Variants in GRIA2 observed in about 807,000 individuals in gnomAD.
The protein encoded by GRIA2 is glutamate receptor 2.
GRIA2 carries 14 observed loss-of-function variants against 97.3 expected under a neutral mutation model. That is an observed-to-expected ratio of 0.14 (90% CI 0.10 to 0.23). GRIA2 has a LOEUF of 0.23. Among genes scored for constraint, GRIA2 ranks in the 10% least tolerant of loss-of-function variants. The pLI is 1.00. For synonymous variants in GRIA2, 412 were observed against 387.8 expected (o/e 1.06, Z -0.73); for missense variants, 558 against 1,069.8 (o/e 0.52, Z 6.67).
intron 12 of GRIA2, chr4:157,342,382 G>T (rs1237561713): frequency 1.0e-6 from 1 of 984,850 alleles, no homozygotes; most frequent in South Asian, 4.7e-5. Context: ...ATGGGAGAAA[G>T]GGTTCTGGGA....
In GRIA2 at chr4:157,329,236, G is replaced by A. The variant is rs528129168; in HGVS notation, c.883-3583G>A. 1.3e-4 allele frequency among the ~76,000 whole-genome samples: 19 copies of A among 151,684 alleles called. No individual in the cohort carries two copies. In the East Asian group the frequency reaches 3.7e-3, roughly 29 times the overall value. ...CTTATAGATTTACTTATCTTTCCTA[G>A]AAATCATAATTTTTGACCCTGTTTT... On this transcript the variant is annotated intron_variant, in intron 6 of 15. Transcript: ENST00000264426.
chr4:157,263,781 C>T (rs1214976175), intron 2 of GRIA2, among the ~76,000 whole-genome samples: 1 of 151,928 alleles, frequency 6.6e-6, no homozygotes, highest in Non-Finnish European at 1.5e-5. Context: ...ATAGTTTTGT[C>T]CAATGAGGAG....
intron 2 of GRIA2, among the ~76,000 whole-genome samples, chr4:157,235,420 T>C (rs986942078): frequency 1.3e-5 from 2 of 152,076 alleles, no homozygotes; most frequent in Admixed American, 1.3e-4. Flanking sequence ...GATTTTATGA[T>C]TACATTAGTC....
At chr4:157,268,031 A>G (rs1731849557) in intron 2 of GRIA2, among the ~76,000 whole-genome samples, 1 of 152,108 alleles carries the variant, frequency 6.6e-6, no homozygotes. Flanking sequence ...AGAGAGATTT[A>G]GGGCAATCAA....
chr4:157,249,842 A>G (rs1438005106), intron 2 of GRIA2: 1 of 152,148 alleles, frequency 6.6e-6, no homozygotes, highest in Non-Finnish European at 1.5e-5. Flanking sequence ...AAAGAGAACC[A>G]CCATTTTAGT....
At chr4:157,331,624 G>C (rs2126929353) in intron 6 of GRIA2, among the ~76,000 whole-genome samples, 1 of 152,096 alleles carries the variant, frequency 6.6e-6, no homozygotes, top group South Asian at 2.1e-4. Context: ...GGTTCAAGAA[G>C]TCTTTTATTA....
chr4:157,341,862 C>G (rs1286388828), intron 12 of GRIA2, among the ~76,000 whole-genome samples: 1 of 152,022 alleles, frequency 6.6e-6, no homozygotes, highest in Non-Finnish European at 1.5e-5. Context: ...ACATTCAAAC[C>G]AATTATGTTA....
intron 2 of GRIA2, among the ~76,000 whole-genome samples, chr4:157,295,328 A>G (rs1030071778): frequency 6.6e-6 from 1 of 152,150 alleles, no homozygotes; most frequent in Non-Finnish European, 1.5e-5. Context: ...GAAACATTAG[A>G]TCAAAACGTA....
At chr4:157,268,065 G>A (rs755503895) in intron 2 of GRIA2, among the ~76,000 whole-genome samples, 4 of 151,980 alleles carry the variant, frequency 2.6e-5, no homozygotes. Flanking sequence ...TTAAATAGTC[G>A]ATTTTAAATT....
chr4:157,280,236 A>C (rs1732533831), intron 2 of GRIA2, among the ~76,000 whole-genome samples: 1 of 152,160 alleles, frequency 6.6e-6, no homozygotes, highest in Non-Finnish European at 1.5e-5. Flanking sequence ...TGGAAGACGA[A>C]TACCCTTATT....
At chr4:157,290,699 T>G (rs144138776) in intron 2 of GRIA2, among the ~76,000 whole-genome samples, 1 of 151,984 alleles carries the variant, frequency 6.6e-6, no homozygotes, top group African/African-American at 2.4e-5. Flanking sequence ...AACTTTGTTC[T>G]TAAAAGTTTG....
chr4:157,250,297 T>A (rs1440261456), intron 2 of GRIA2, among the ~76,000 whole-genome samples: 1 of 152,180 alleles, frequency 6.6e-6, no homozygotes, highest in African/African-American at 2.4e-5. Flanking sequence ...GATAGCCATC[T>A]AAATTTAAGC....
intron 2 of GRIA2, among the ~76,000 whole-genome samples, chr4:157,245,238 T>G (rs1730676266): frequency 6.6e-6 from 1 of 152,024 alleles, no homozygotes; most frequent in South Asian, 2.1e-4. Flanking sequence ...TGTTTGTATT[T>G]TCAGGTAATA....
intron 15 of GRIA2, 38 bp from the exon 16 acceptor site, chr4:157,363,397 G>T: frequency 8.2e-7 from 1 of 1,216,780 alleles, no homozygotes; most frequent in East Asian, 3.1e-5. Context: ...CATAACGTAT[G>T]ATTTCTTTTT....
intron 2 of GRIA2, among the ~76,000 whole-genome samples, chr4:157,283,636 A>G (rs1387395068): frequency 6.6e-6 from 1 of 151,944 alleles, no homozygotes; most frequent in Non-Finnish European, 1.5e-5. Flanking sequence ...TAAACCTTTT[A>G]GTGGCTTTAA....
chr4:157,359,785 C>A, intron 12 of GRIA2, 111 bp from the exon 13 acceptor site: 1 of 873,432 alleles, frequency 1.1e-6, no homozygotes, highest in Non-Finnish European at 1.8e-6. Context: ...GAGATTTGTT[C>A]ATATTGTGTA....
At chr4:157,350,556 C>T (rs1479594537) in intron 12 of GRIA2, among the ~76,000 whole-genome samples, 4 of 151,634 alleles carry the variant, frequency 2.6e-5, no homozygotes, top group African/African-American at 4.8e-5. Flanking sequence ...CTTCAGGCGG[C>T]CCAGTGTTTA....
chr4:157,271,593 TCTCCAAA>T (rs1438880854), intron 2 of GRIA2, among the ~76,000 whole-genome samples: 3 of 152,052 alleles, frequency 2.0e-5, no homozygotes, highest in African/African-American at 7.2e-5. Context: ...ATCTAGAAGT[TCTCCAAA>T]CTCTGTCCTT....
At chr4:157,356,506 A>G (rs1470771103) in intron 12 of GRIA2, among the ~76,000 whole-genome samples, 1 of 151,964 alleles carries the variant, frequency 6.6e-6, no homozygotes. Flanking sequence ...TCAAATGTAG[A>G]TGTTGCTTAT....
Sources: gnomAD v4.1 joint callset for allele counts (sites outside exome capture counted in the v4.1 genomes callset) on GRCh38, gnomAD v4.1.1 for gene constraint, MANE v1.5 for transcripts, NCBI Gene and HGNC (gene_info 2026-07-23, HGNC 2026-07-21) for gene names.